The following DEPDC5 variants were observed in gnomAD, a reference collection of about 807,000 sequenced individuals.
DEPDC5 encodes GATOR1 complex protein DEPDC5.
Under a neutral mutation model 217.3 loss-of-function variants are expected in DEPDC5, and 73 were observed. The ratio of observed to expected loss-of-function variants is 0.34; its 90% confidence interval spans 0.28 to 0.41. The LOEUF (loss-of-function observed/expected upper bound fraction) is 0.41. Among genes scored for constraint, DEPDC5 ranks in the 10% least tolerant of loss-of-function variants. The pLI is 1.00. For synonymous variants in DEPDC5, 733 were observed against 756.7 expected (o/e 0.97, Z 0.51); for missense variants, 1,675 against 2,070.1 (o/e 0.81, Z 3.70).
At chr22:31,802,942 A>G (rs1601972092) in intron 15 of DEPDC5, 104 bp downstream of exon 15, 1 of 1,386,002 alleles carries the variant, frequency 7.2e-7, no homozygotes, top group East Asian at 2.7e-5. Flanking sequence ...AGCTCTACAT[A>G]GTGTTCTGTG....
At chr22:31,861,526 G>A (rs1489031197) in intron 33 of DEPDC5, 93 bp downstream of exon 33, 2 of 1,347,750 alleles carry the variant, frequency 1.5e-6, no homozygotes, top group Non-Finnish European at 2.1e-6. Flanking sequence ...GAATTGGGCT[G>A]CAACTAAGTT....
chr22:31,771,784 T>TA (rs1399434383), intron 7 of DEPDC5, among the ~76,000 whole-genome samples: 1 of 117,848 alleles, frequency 8.5e-6, no homozygotes, highest in Non-Finnish European at 1.7e-5. Context: ...CACACACAGT[T>TA]AGGACTAGGT....
chr22:31,836,500 G>A (rs2091006027), intron 25 of DEPDC5, among the ~76,000 whole-genome samples: 1 of 152,050 alleles, frequency 6.6e-6, no homozygotes, highest in Admixed American at 6.6e-5. Context: ...ACTTATTTTT[G>A]CAGTGCTAGA....
chr22:31,837,246 T>G, intron 26 of DEPDC5, 91 bp downstream of exon 26: 1 of 1,369,524 alleles, frequency 7.3e-7, no homozygotes, highest in South Asian at 1.3e-5. Context: ...TTGTGCTGGC[T>G]TCAGCAACAC....
intron 8 of DEPDC5, 81 bp from the exon 9 acceptor site, chr22:31,783,826 A>G: frequency 8.5e-7 from 1 of 1,173,432 alleles, no homozygotes; most frequent in East Asian, 2.4e-5. Flanking sequence ...GTTGTGAAGC[A>G]GATCTTCAGA....
intron 27 of DEPDC5, among the ~76,000 whole-genome samples, chr22:31,841,986 A>G (rs1292666708): frequency 6.6e-6 from 1 of 152,040 alleles, no homozygotes; most frequent in Non-Finnish European, 1.5e-5. Flanking sequence ...AACACTTGTC[A>G]TTTTCTTGAT....
intron 33 of DEPDC5, among the ~76,000 whole-genome samples, chr22:31,868,674 G>A (rs190204483): frequency 6.6e-6 from 1 of 152,240 alleles, no homozygotes; most frequent in South Asian, 2.1e-4. Context: ...TGATCCACTC[G>A]CCTTCGCCTC....
At chr22:31,806,061 G>T (rs2087494750) in intron 17 of DEPDC5, 61 bp from the exon 18 acceptor site, 1 of 1,464,838 alleles carries the variant, frequency 6.8e-7, no homozygotes, top group Non-Finnish European at 9.5e-7. Flanking sequence ...TATTTTAACT[G>T]TGTTTTGAGT....
At position 31,818,881 on chromosome 22, in the gene DEPDC5, C is replaced by T. The variant is rs1302430407; in HGVS notation, c.1667-141C>T. ...CATATTTCATTTCTTTATAGTTTGA[C>T]AGTTTTGCTCATTTCTCTCACTCCC... On this transcript the variant is annotated intron_variant, in intron 21 of 42. Transcript: ENST00000651528. 6 of 768,504 alleles carry T rather than the reference C, an allele frequency of 7.8e-6. No homozygotes were observed. The East Asian group carries it at 1.5e-4, about 20-fold the overall frequency. The allele number at this position is 768,504 out of a possible 1,614,324, so 47.6% of individuals were successfully genotyped here.
Position 31,849,384 on chromosome 22 carries a change from G to A in DEPDC5, c.3155+2417G>A, listed in dbSNP as rs148461093. ...GTTCAGCATGGCTGGGGAGGCCTCA[G>A]GAAACTTAAAATCATGGTGGAAGGG... On this transcript the variant is annotated intron_variant, in intron 31 of 42. Transcript: ENST00000651528. Among the ~76,000 whole-genome samples, 352 of 152,238 alleles carry A rather than the reference G, an allele frequency of 2.3e-3. 3 individuals are homozygous for A. The East Asian group carries it at 0.037, about 16-fold the overall frequency.
rs879045908 is a variant in DEPDC5 at position 31,857,630 on chromosome 22, T to C, written c.3264+77T>C. On this transcript the variant is annotated intron_variant, in intron 32 of 42. Transcript: ENST00000651528. Reference sequence around the variant, plus strand: ...TGTGGAGGGTAAAACAGATCGCCCTTCAGATCCGGGATTGCATGTGCAGAG... The same window carrying C: ...TGTGGAGGGTAAAACAGATCGCCCTCCAGATCCGGGATTGCATGTGCAGAG... 13 of 1,254,818 alleles carry C rather than the reference T, an allele frequency of 1.0e-5. No homozygotes were observed. The South Asian group carries it at 1.1e-4, about 10-fold the overall frequency. 77.7% of individuals were successfully genotyped at this position (1,254,818 alleles called of 1,614,324 possible). A position where few individuals can be genotyped will look rare whatever the true frequency, so the allele number is the denominator to read the frequency against.
chr22:31,906,462 A>G lies in DEPDC5; in HGVS notation c.4777A>G (p.Ser1593Gly). ...RDNRLVTFWT[S>G]CLEKMHASAP The stretch of plus-strand genomic sequence containing the variant: ...CAACCGGCTGGTCACGTTCTGGACA[A>G]GTTGCCTGGAGAAGATGCATGCCAG... Residue 1593 changes from serine (S) to glycine (G), a missense_variant, in exon 43 of 43, where the codon AGT (serine) becomes GGT (glycine). This residue lies in a region of DEPDC5 where 49 missense variants were observed against 74.7 expected (regional missense o/e 0.66). Coordinates refer to ENST00000651528, the MANE Select transcript of DEPDC5 (RefSeq NM_001242896.3). This position sits in a 1 kb window ranked among gnomAD's most constrained non-coding sequence, Gnocchi z 5.1. The G allele has an allele frequency of 6.2e-6, 10 of 1,613,978 alleles. No individual in the cohort carries two copies. The highest frequency in any genetic ancestry group is 8.5e-6 in the Non-Finnish European group (10 of 1,180,036).
At chr22:31,784,727 C>A in intron 9 of DEPDC5, 87 bp from the exon 10 acceptor site, 1 of 1,297,612 alleles carries the variant, frequency 7.7e-7, no homozygotes. Context: ...GAAGAATTTA[C>A]TTAGAGAAGA....
intron 23 of DEPDC5, 131 bp downstream of exon 23, chr22:31,821,768 C>T (rs145244767): frequency 2.3e-6 from 3 of 1,288,802 alleles, no homozygotes; most frequent in Non-Finnish European, 3.2e-6. Flanking sequence ...TCAGGGCCTT[C>T]CTTTGTTGGC....
In DEPDC5 at chr22:31,767,777, C is replaced by T. The variant is rs566357707; in HGVS notation, c.364-1037C>T. Among the ~76,000 whole-genome samples the T allele has an allele frequency of 2.2e-4, 33 of 150,420 alleles. No homozygotes were observed. In the South Asian group the frequency reaches 5.7e-3, roughly 26 times the overall value. ...GTTTATTTTTTTTGAGACAGAGTCT[C>T]GCTCTGTCACCCAGGCTGGAGTGCA... On this transcript the variant is annotated intron_variant, in intron 6 of 42. Transcript: ENST00000651528.
At chr22:31,899,784 G>T (rs2093616210) in intron 40 of DEPDC5, among the ~76,000 whole-genome samples, 1 of 152,114 alleles carries the variant, frequency 6.6e-6, no homozygotes, top group Non-Finnish European at 1.5e-5. Context: ...AGGCACTCTT[G>T]TCTTTGGGAT....
intron 3 of DEPDC5, among the ~76,000 whole-genome samples, chr22:31,760,132 A>G (rs1479599839): frequency 6.6e-6 from 1 of 151,664 alleles, no homozygotes; most frequent in African/African-American, 2.4e-5. Context: ...CAGTGGCACA[A>G]TCTTGGCTCA....
Position 31,799,821 on chromosome 22 carries a change from T to C in DEPDC5, c.946+1165T>C, listed in dbSNP as rs1255573166. Among the ~76,000 whole-genome samples, 23 of 140,384 alleles carry C rather than the reference T, an allele frequency of 1.6e-4. No homozygotes were observed. The East Asian group carries it at 4.8e-3, about 29-fold the overall frequency. 92.1% of individuals were successfully genotyped at this position (140,384 alleles called of 152,430 possible). A position where few individuals can be genotyped will look rare whatever the true frequency, so the allele number is the denominator to read the frequency against. On this transcript the variant is annotated intron_variant, in intron 14 of 42. Coordinates refer to ENST00000651528, the MANE Select transcript of DEPDC5 (RefSeq NM_001242896.3). ...GGCCTTTTTTTTTTTTTTTTTTTTT[T>C]TTTTTGAGACAGAGTCTTACTCTGT...
At chr22:31,852,461 C>T (rs1287511393) in intron 31 of DEPDC5, among the ~76,000 whole-genome samples, 1 of 151,870 alleles carries the variant, frequency 6.6e-6, no homozygotes, top group African/African-American at 2.4e-5. Flanking sequence ...CTGCCTCAGC[C>T]TCCCGAGAAG....
Sources: gnomAD v4.1 joint callset for allele counts (sites outside exome capture counted in the v4.1 genomes callset) on GRCh38, gnomAD v4.1.1 for gene constraint, gnomAD v4.1.1 regional missense constraint, Gnocchi (gnomAD v3.1) non-coding constraint, MANE v1.5 for transcripts, NCBI Gene and HGNC (gene_info 2026-07-23, HGNC 2026-07-21) for gene names.